The following CACNA1D variants were observed in gnomAD, a reference collection of about 807,000 sequenced individuals.
CACNA1D encodes calcium voltage-gated channel subunit alpha1 D.
In CACNA1D, 55 loss-of-function variants were observed where a neutral mutation model predicts 257.1. That is an observed-to-expected ratio of 0.21 (90% CI 0.17 to 0.27). The LOEUF is 0.27. Ranked by LOEUF, CACNA1D falls within the 10% of genes least tolerant of loss-of-function variation. The pLI is 1.00. For missense variants in CACNA1D, 1,876 were observed against 2,784.0 expected, an observed-to-expected ratio of 0.67 and a Z score of 7.34; for synonymous variants, 980 against 1,014.9, an observed-to-expected ratio of 0.97 and a Z score of 0.65.
At chr3:53,607,475 A>G (rs1045503898) in intron 3 of CACNA1D, among the ~76,000 whole-genome samples, 1 of 152,240 alleles carries the variant, frequency 6.6e-6, no homozygotes, top group African/African-American at 2.4e-5. Flanking sequence ...GTGAGAACTC[A>G]ACCTGCTGAC....
rs573658878 is a variant in CACNA1D at position 53,746,834 on chromosome 3, C to G, written c.3168-468C>G. 7.2e-5 allele frequency among the ~76,000 whole-genome samples: 11 copies of G among 152,262 alleles called. No homozygotes were observed. In the South Asian group the frequency reaches 2.3e-3, roughly 32 times the overall value. On this transcript the variant is annotated intron_variant, in intron 25 of 47. Transcript: ENST00000350061. ...GAGAAATAATTTGCCAGAAATAATG[C>G]AATTCTTTCGGAAAGAAAATTGGGA...
chr3:53,740,727 C>G (rs2095109270), intron 21 of CACNA1D, among the ~76,000 whole-genome samples: 1 of 151,748 alleles, frequency 6.6e-6, no homozygotes, highest in South Asian at 2.1e-4. Context: ...TTGAGAATTA[C>G]ATTTTGCTCA....
At chr3:53,540,576 T>C (rs1165836676) in intron 3 of CACNA1D, among the ~76,000 whole-genome samples, 1 of 152,138 alleles carries the variant, frequency 6.6e-6, no homozygotes, top group Non-Finnish European at 1.5e-5. Context: ...AAAAGTCTTA[T>C]ATCTTTGCCT....
At chr3:53,746,150 A>G (rs2095167022) in intron 25 of CACNA1D, among the ~76,000 whole-genome samples, 2 of 152,220 alleles carry the variant, frequency 1.3e-5, no homozygotes, top group South Asian at 4.2e-4. Context: ...ATCCCAAAAG[A>G]ATGGCTAGAT....
intron 9 of CACNA1D, among the ~76,000 whole-genome samples, chr3:53,704,635 A>T (rs1158109228): frequency 6.6e-6 from 1 of 152,190 alleles, no homozygotes; most frequent in Non-Finnish European, 1.5e-5. Flanking sequence ...GCAACAGGCC[A>T]TGTAGGTGCA....
chr3:53,534,992 T>TC (rs1208670935), intron 3 of CACNA1D, among the ~76,000 whole-genome samples: 5 of 152,210 alleles, frequency 3.3e-5, no homozygotes, highest in Middle Eastern at 3.4e-3. Context: ...TGGCTTCCTC[T>TC]CTAACACAAA....
At chr3:53,558,008 G>A (rs918934616) in intron 3 of CACNA1D, among the ~76,000 whole-genome samples, 1 of 152,086 alleles carries the variant, frequency 6.6e-6, no homozygotes, top group African/African-American at 2.4e-5. Context: ...TATTTATTAA[G>A]GTCAGCTTCT....
At position 53,718,200 on chromosome 3, in the gene CACNA1D, G is replaced by C; in HGVS notation, c.1391-101G>C. ...GAGGGCCCTTTTCACCCTCCTCCTG[G>C]GTTCCGGAGGTCTGCCTGGTGGCAG... is the stretch of plus-strand genomic sequence containing the variant. On this transcript the variant is annotated intron_variant, in intron 9 of 47. Coordinates refer to ENST00000350061, the MANE Select transcript of CACNA1D (RefSeq NM_001128840.3). 3.1e-6 allele frequency: 3 copies of C among 971,346 alleles called. No homozygotes were observed. In the Admixed American group the frequency reaches 5.1e-5, roughly 16 times the overall value. 60.2% of individuals were successfully genotyped at this position (971,346 alleles called of 1,614,324 possible). A position where few individuals can be genotyped will look rare whatever the true frequency, so the allele number is the denominator to read the frequency against.
chr3:53,599,979 A>C (rs765678074), intron 3 of CACNA1D, among the ~76,000 whole-genome samples: 3 of 152,262 alleles, frequency 2.0e-5, no homozygotes, highest in Non-Finnish European at 4.4e-5. Context: ...CAATCCATTT[A>C]GTTGCTTTGG....
intron 35 of CACNA1D, 44 bp downstream of exon 35, chr3:53,776,089 A>G (rs1250672198): frequency 6.4e-7 from 1 of 1,564,540 alleles, no homozygotes; most frequent in Admixed American, 1.7e-5. Flanking sequence ...ACAGATGCTT[A>G]TGTAGCAGTC....
Position 53,495,025 on chromosome 3 carries a change from C to T in CACNA1D, c.-142C>T. ...TTATTTTCTGTTATTTGTCCCCGTC[C>T]CTCCCCACCCCCCTGCTGAAGCGAG... On this transcript the variant is annotated 5_prime_UTR_variant, in exon 1 of 48. Transcript: ENST00000350061. This position sits in a 1 kb window ranked among gnomAD's most constrained non-coding sequence, Gnocchi z 5.1. The T allele has an allele frequency of 2.0e-6, 1 of 487,810 alleles. No individual in the cohort carries two copies. Among genetic ancestry groups the T allele is most frequent in the South Asian group, 1.6e-5 (1 of 62,920 alleles). The allele number at this position is 487,810 out of a possible 1,614,324, so 30.2% of individuals were successfully genotyped here. A position where few individuals can be genotyped will look rare whatever the true frequency, so the allele number is the denominator to read the frequency against.
In CACNA1D at chr3:53,753,595, C is replaced by A. The variant is rs751188326; in HGVS notation, c.3699C>A (p.Phe1233Leu). Residue 1233 changes from phenylalanine (F) to leucine (L), a missense_variant, in exon 29 of 48, where the codon TTC becomes TTA. By Grantham distance (22) the Phe-to-Leu change is conservative. This residue lies in a region of CACNA1D where 204 missense variants were observed against 309.4 expected (regional missense o/e 0.66). Coordinates refer to ENST00000350061, the MANE Select transcript of CACNA1D (RefSeq NM_001128840.3). ...AMQHYEQSKM[F>L]NDAMDILNMV... is the part of the protein sequence containing the mutation. Reference sequence around the variant, plus strand: ...AGCACTACGAGCAGTCCAAGATGTTCAATGATGCCATGGACATTCTGAACA... The same window carrying A: ...AGCACTACGAGCAGTCCAAGATGTTAAATGATGCCATGGACATTCTGAACA... 4 of 1,611,554 alleles carry A rather than the reference C, an allele frequency of 2.5e-6. No homozygotes were observed. Among genetic ancestry groups the A allele is most frequent in the African/African-American group, 1.3e-5 (1 of 74,864 alleles).
In CACNA1D at chr3:53,730,493, C is replaced by T. The variant is rs1486899077; in HGVS notation, c.2273C>T (p.Ala758Val). 6.2e-7 allele frequency: 1 copy of T among 1,614,142 alleles called. No homozygotes were observed. The highest frequency in any genetic ancestry group is 1.1e-5 in the South Asian group (1 of 91,088). ...LAIAVDNLAD[A>V]ESLNTAQKEE... ...ATCGCTGTAGACAATTTGGCTGATG[C>T]TGAAAGTCTGAACACTGCTCAGAAA... The change falls in exon 16 of 48, where the codon GCT becomes GTT. Residue 758 changes from alanine (A) to valine (V), a missense_variant. Around this residue, in one of 10 missense-constraint regions of CACNA1D, gnomAD observed 257 missense variants for 399.7 expected, o/e 0.64. Coordinates refer to ENST00000350061, the MANE Select transcript of CACNA1D (RefSeq NM_001128840.3).
rs1250624175 is a variant in CACNA1D at position 53,745,745 on chromosome 3, C to T, written c.3114+14C>T. 2.5e-6 allele frequency: 4 copies of T among 1,603,200 alleles called. No individual in the cohort carries two copies. In the African/African-American group the frequency reaches 5.4e-5, roughly 21 times the overall value. On this transcript the variant is annotated intron_variant, in intron 24 of 47. Transcript: ENST00000350061. ...CAGTTGTTCAAGGTAGAGGAACTGCCTCCAAGCATAAAACTCAGGTGGATT... is the reference window on the plus strand; with the variant it reads ...CAGTTGTTCAAGGTAGAGGAACTGCTTCCAAGCATAAAACTCAGGTGGATT...
At chr3:53,617,422 C>A (rs1315283780) in intron 3 of CACNA1D, among the ~76,000 whole-genome samples, 1 of 152,198 alleles carries the variant, frequency 6.6e-6, no homozygotes, top group Non-Finnish European at 1.5e-5. Context: ...ACCTTCTAAG[C>A]CTCAGTTTCC....
intron 3 of CACNA1D, among the ~76,000 whole-genome samples, chr3:53,525,205 C>G (rs893956164): frequency 5.3e-5 from 8 of 152,176 alleles, no homozygotes; most frequent in African/African-American, 1.9e-4. Context: ...GCTCTTGCTC[C>G]CTCTACCTAG....
At chr3:53,711,514 A>G (rs1344365056) in intron 9 of CACNA1D, among the ~76,000 whole-genome samples, 1 of 152,214 alleles carries the variant, frequency 6.6e-6, no homozygotes, top group African/African-American at 2.4e-5. Flanking sequence ...GCCTATGCAC[A>G]CCAGCACAGT....
intron 3 of CACNA1D, among the ~76,000 whole-genome samples, chr3:53,622,638 C>T (rs1399794167): frequency 6.6e-6 from 1 of 151,760 alleles, no homozygotes; most frequent in Non-Finnish European, 1.5e-5. Flanking sequence ...GGGTAGGGGG[C>T]GGGAGAGGAT....
At chr3:53,502,179 A>G (rs1302217989) in intron 3 of CACNA1D, among the ~76,000 whole-genome samples, 2 of 152,092 alleles carry the variant, frequency 1.3e-5, no homozygotes, top group Non-Finnish European at 2.9e-5. Context: ...AGAATATAAC[A>G]AAACTAATAA....
Sources: gnomAD v4.1 joint callset for allele counts (sites outside exome capture counted in the v4.1 genomes callset) on GRCh38, gnomAD v4.1.1 for gene constraint, gnomAD v4.1.1 regional missense constraint, Gnocchi (gnomAD v3.1) non-coding constraint, MANE v1.5 for transcripts, NCBI Gene and HGNC (gene_info 2026-07-23, HGNC 2026-07-21) for gene names.